PTPN4: variants seen among roughly 807,000 people sequenced by gnomAD.
The protein encoded by PTPN4 is protein tyrosine phosphatase non-receptor type 4.
In PTPN4, 49 loss-of-function variants were observed where a neutral mutation model predicts 135.5. That is an observed-to-expected ratio of 0.36 (90% CI 0.29 to 0.46). The LOEUF is 0.46. Among genes scored for constraint, PTPN4 ranks in the 20% least tolerant of loss-of-function variants. The probability of loss-of-function intolerance (pLI) is 1.00; values close to 1 mark genes in which losing one functional copy is unlikely to be tolerated. For synonymous variants in PTPN4, 333 were observed against 369.9 expected, an observed-to-expected ratio of 0.90 and a Z score of 1.14; for missense variants, 860 against 1,101.0, an observed-to-expected ratio of 0.78 and a Z score of 3.10.
intron 1 of PTPN4, among the ~76,000 whole-genome samples, chr2:119,789,961 C>G (rs1430245309): frequency 1.3e-5 from 2 of 152,088 alleles, no homozygotes; most frequent in Non-Finnish European, 2.9e-5. Context: ...CTCCTGACCT[C>G]AAGTGATCCT....
At chr2:119,845,225 G>GACC (rs1441542241) in intron 2 of PTPN4, among the ~76,000 whole-genome samples, 61 of 127,932 alleles carry the variant, frequency 4.8e-4, no homozygotes, top group African/African-American at 1.7e-3. Context: ...ATGAGAGGGA[G>GACC]ACCGTGGGGA....
intron 2 of PTPN4, among the ~76,000 whole-genome samples, chr2:119,848,878 C>T (rs575948438): frequency 2.2e-4 from 33 of 152,254 alleles, no homozygotes; most frequent in African/African-American, 6.5e-4. Context: ...GGATTACAGG[C>T]GTGAGCCACC....
chr2:119,972,806 T>C (rs1679556109), intron 26 of PTPN4, among the ~76,000 whole-genome samples: 1 of 152,182 alleles, frequency 6.6e-6, no homozygotes, highest in Admixed American at 6.5e-5. Flanking sequence ...GCATCTGAGA[T>C]ATCATGTGGT....
intron 1 of PTPN4, among the ~76,000 whole-genome samples, chr2:119,786,870 C>G (rs1176171586): frequency 1.3e-5 from 2 of 152,164 alleles, no homozygotes; most frequent in Non-Finnish European, 2.9e-5. Context: ...ATGGAAGAAA[C>G]TGGCCCTTCC....
chr2:119,889,128 G>A (rs901365369), intron 9 of PTPN4, among the ~76,000 whole-genome samples: 1 of 152,100 alleles, frequency 6.6e-6, no homozygotes, highest in Non-Finnish European at 1.5e-5. Flanking sequence ...GTTCGTAATA[G>A]TCTCTGATGG....
chr2:119,935,426 T>C (rs1205165288), intron 15 of PTPN4, among the ~76,000 whole-genome samples: 3 of 152,122 alleles, frequency 2.0e-5, no homozygotes, highest in East Asian at 1.9e-4. Flanking sequence ...GTGTAAGATA[T>C]AGTGAGTGCG....
chr2:119,906,845 C>T (rs1678496748), intron 10 of PTPN4, among the ~76,000 whole-genome samples: 1 of 152,114 alleles, frequency 6.6e-6, no homozygotes, highest in Admixed American at 6.5e-5. Flanking sequence ...GAAATAAAGG[C>T]CATCCATATA....
At chr2:119,876,944 T>C (rs1210247156) in intron 3 of PTPN4, among the ~76,000 whole-genome samples, 1 of 139,042 alleles carries the variant, frequency 7.2e-6, no homozygotes, top group Non-Finnish European at 1.6e-5. Flanking sequence ...TGTGTGTGCG[T>C]GAAGGGTGAA....
intron 10 of PTPN4, among the ~76,000 whole-genome samples, chr2:119,908,328 C>T: frequency 6.6e-6 from 1 of 152,084 alleles, no homozygotes; most frequent in East Asian, 1.9e-4. Context: ...TTGTGGCAAC[C>T]CTGCATCAAA....
chr2:119,927,743 G>A (rs1678846871), intron 13 of PTPN4, among the ~76,000 whole-genome samples: 1 of 152,144 alleles, frequency 6.6e-6, no homozygotes, highest in Non-Finnish European at 1.5e-5. Flanking sequence ...TTATGTGTTT[G>A]GCATCTACTG....
In PTPN4 at chr2:119,960,965, T is replaced by A; in HGVS notation, c.2280+12T>A. 6.2e-7 allele frequency: 1 copy of A among 1,608,724 alleles called. No individual in the cohort carries two copies. The highest frequency in any genetic ancestry group is 8.5e-7 in the Non-Finnish European group (1 of 1,178,452). On this transcript the variant is annotated intron_variant, in intron 23 of 26. Coordinates refer to ENST00000263708, the MANE Select transcript of PTPN4 (RefSeq NM_002830.4). ...TTGAACGTGGCAGAGTAAGTCATAGTTGAATCTTACACATTGCTTGGACTT... is the reference window on the plus strand; with the variant it reads ...TTGAACGTGGCAGAGTAAGTCATAGATGAATCTTACACATTGCTTGGACTT...
At chr2:119,821,318 C>G (rs1487071848) in intron 2 of PTPN4, among the ~76,000 whole-genome samples, 1 of 152,026 alleles carries the variant, frequency 6.6e-6, no homozygotes, top group Non-Finnish European at 1.5e-5. Flanking sequence ...GTTTCAATCT[C>G]TTGACCTCGT....
At position 119,955,302 on chromosome 2, in the gene PTPN4, A is replaced by G. The variant is rs141464866; in HGVS notation, c.1959A>G (p.Gly653=). 2 of 1,608,144 alleles carry G rather than the reference A, an allele frequency of 1.2e-6. No homozygotes were observed. Among genetic ancestry groups the G allele is most frequent in the Non-Finnish European group, 8.5e-7 (1 of 1,178,194 alleles). The change falls in exon 20 of 27, where the codon GGA becomes GGG. Residue 653 remains glycine (G), a synonymous_variant. Coordinates refer to ENST00000263708, the MANE Select transcript of PTPN4 (RefSeq NM_002830.4). The part of the protein sequence containing the change: ...MIQLAEGLIT[G]TVLTQFDQLY... ...AGCTAGCTGAGGGGCTTATCACTGG[A>G]ACAGTCCTGACACAGTTTGATGTAA... is the stretch of plus-strand genomic sequence containing the variant.
chr2:119,960,748 TC>T (rs1237239362), intron 22 of PTPN4, 58 bp from the exon 23 acceptor site: 7 of 1,549,506 alleles, frequency 4.5e-6, no homozygotes, highest in African/African-American at 1.4e-5. Flanking sequence ...ATTTTCCTAT[TC>T]CTGATTACTG....
chr2:119,766,450 GTGTGT>G (rs1690625351), intron 1 of PTPN4, among the ~76,000 whole-genome samples: 1 of 40,568 alleles, frequency 2.5e-5, no homozygotes, highest in Non-Finnish European at 5.7e-5. Flanking sequence ...ATGTGCGCGC[GTGTGT>G]GTGTGTGTGT....
At chr2:119,781,120 T>TG (rs1690928369) in intron 1 of PTPN4, among the ~76,000 whole-genome samples, 1 of 152,176 alleles carries the variant, frequency 6.6e-6, no homozygotes, top group African/African-American at 2.4e-5. Context: ...TTTCTTTGAC[T>TG]AGTCCTCAGT....
In PTPN4 at chr2:119,914,879, A is replaced by G. The variant is rs141989796; in HGVS notation, c.765-300A>G. Among the ~76,000 whole-genome samples, 423 of 152,264 alleles carry G rather than the reference A, an allele frequency of 2.8e-3. 2 individuals carry two copies. Among genetic ancestry groups the G allele is most frequent in the African/African-American group, 9.7e-3 (403 of 41,560 alleles). Reference sequence around the variant, plus strand: ...AAGTAATGAAATCTTACATTTTTCCAAGGCTTGCTTATAGTTTTAGAGAGT... The same window carrying G: ...AAGTAATGAAATCTTACATTTTTCCGAGGCTTGCTTATAGTTTTAGAGAGT... On this transcript the variant is annotated intron_variant, in intron 10 of 26. Transcript: ENST00000263708.
intron 2 of PTPN4, among the ~76,000 whole-genome samples, chr2:119,827,459 CA>C (rs1435494488): frequency 1.3e-5 from 2 of 152,200 alleles, no homozygotes; most frequent in Admixed American, 1.3e-4. Context: ...CTTGGTCAAA[CA>C]AAAACTTCTT....
intron 3 of PTPN4, among the ~76,000 whole-genome samples, chr2:119,874,599 G>T (rs1677959170): frequency 6.6e-6 from 1 of 152,154 alleles, no homozygotes; most frequent in Admixed American, 6.5e-5. Flanking sequence ...GTTAGTGATT[G>T]TTAGGGGCAA....
Sources: gnomAD v4.1 joint callset for allele counts (sites outside exome capture counted in the v4.1 genomes callset) on GRCh38, gnomAD v4.1.1 for gene constraint, MANE v1.5 for transcripts, NCBI Gene and HGNC (gene_info 2026-07-23, HGNC 2026-07-21) for gene names.